The following TBC1D5 variants were observed in gnomAD, a reference collection of about 807,000 sequenced individuals.
The protein encoded by TBC1D5 is TBC1 domain family, member 5.
A neutral mutation model predicts 100.3 loss-of-function variants in TBC1D5; 75 were observed. The ratio of observed to expected loss-of-function variants is 0.75; its 90% CI spans 0.62 to 0.91. TBC1D5 has a LOEUF of 0.91. Ranked by LOEUF, TBC1D5 falls within the 40% of genes least tolerant of loss-of-function variation. The probability of loss-of-function intolerance (pLI) is 0.00; values close to 1 mark genes in which losing one functional copy is unlikely to be tolerated. For synonymous variants in TBC1D5, 323 were observed against 325.6 expected (o/e 0.99, Z 0.09); for missense variants, 910 against 942.4 (o/e 0.97, Z 0.45).
At chr3:17,710,055 G>A (rs2074566733) in intron 1 of TBC1D5, among the ~76,000 whole-genome samples, 1 of 152,066 alleles carries the variant, frequency 6.6e-6, no homozygotes. Context: ...TCAACATTTT[G>A]TAATAAGTAA....
At chr3:17,629,955 C>T (rs2063357259) in intron 1 of TBC1D5, among the ~76,000 whole-genome samples, 1 of 152,114 alleles carries the variant, frequency 6.6e-6, no homozygotes, top group Admixed American at 6.6e-5. Context: ...TTACAAAAAA[C>T]TAATACATGA....
intron 1 of TBC1D5, among the ~76,000 whole-genome samples, chr3:17,695,853 G>C (rs1268027257): frequency 4.6e-5 from 7 of 152,268 alleles, no homozygotes; most frequent in African/African-American, 1.7e-4. Flanking sequence ...TGGAAGTAAA[G>C]CACTCCTCAG....
chr3:17,679,040 C>A (rs1399634075), intron 1 of TBC1D5, among the ~76,000 whole-genome samples: 1 of 149,848 alleles, frequency 6.7e-6, no homozygotes, highest in Non-Finnish European at 1.5e-5. Context: ...TTATTTCAAC[C>A]TTTCCTAGGG....
At chr3:17,263,200 T>G (rs1278350652) in intron 15 of TBC1D5, among the ~76,000 whole-genome samples, 1 of 150,744 alleles carries the variant, frequency 6.6e-6, no homozygotes, top group Admixed American at 6.6e-5. Flanking sequence ...AGATCCTATC[T>G]CTTAAAAGGT....
chr3:17,549,323 T>C (rs2096451274), intron 2 of TBC1D5, among the ~76,000 whole-genome samples: 1 of 152,082 alleles, frequency 6.6e-6, no homozygotes, highest in Admixed American at 6.5e-5. Context: ...TAAAATAAAA[T>C]AAATTATCAA....
intron 19 of TBC1D5, among the ~76,000 whole-genome samples, chr3:17,171,023 C>T (rs188080968): frequency 2.0e-5 from 3 of 152,238 alleles, no homozygotes; most frequent in Admixed American, 1.3e-4. Flanking sequence ...TATACAAGAT[C>T]TTCCCAAATC....
chr3:17,407,479 A>G (rs2093802223), intron 4 of TBC1D5, among the ~76,000 whole-genome samples: 2 of 152,160 alleles, frequency 1.3e-5, no homozygotes, highest in Non-Finnish European at 2.9e-5. Context: ...CCTGACGGCA[A>G]TATCTTAAGA....
At chr3:17,205,966 A>G (rs1335795925) in intron 18 of TBC1D5, among the ~76,000 whole-genome samples, 1 of 152,120 alleles carries the variant, frequency 6.6e-6, no homozygotes, top group Admixed American at 6.6e-5. Context: ...AAATTTCCTC[A>G]TTTGATATAA....
At chr3:17,226,810 G>C (rs2074951749) in intron 17 of TBC1D5, among the ~76,000 whole-genome samples, 1 of 152,090 alleles carries the variant, frequency 6.6e-6, no homozygotes, top group African/African-American at 2.4e-5. Flanking sequence ...CAGAATTTCT[G>C]ACCCATGACA....
intron 2 of TBC1D5, among the ~76,000 whole-genome samples, chr3:17,622,353 T>C (rs2062736851): frequency 6.6e-6 from 1 of 152,080 alleles, no homozygotes; most frequent in Non-Finnish European, 1.5e-5. Flanking sequence ...CTAAATGACT[T>C]CTCAGTTACT....
chr3:17,718,460 G>A (rs1315635902), intron 1 of TBC1D5, among the ~76,000 whole-genome samples: 2 of 152,134 alleles, frequency 1.3e-5, no homozygotes, highest in African/African-American at 2.4e-5. Flanking sequence ...TAGCAGGCAT[G>A]GTGGCGGGCA....
At chr3:17,371,594 A>C (rs969948656) in intron 13 of TBC1D5, among the ~76,000 whole-genome samples, 1 of 152,214 alleles carries the variant, frequency 6.6e-6, no homozygotes, top group African/African-American at 2.4e-5. Flanking sequence ...GTATTAGATG[A>C]GATACCATAC....
chr3:17,512,824 TC>T (rs772966002), intron 2 of TBC1D5, among the ~76,000 whole-genome samples: 43 of 152,154 alleles, frequency 2.8e-4, no homozygotes, highest in Non-Finnish European at 4.7e-4. Flanking sequence ...ATGCTAAAAT[TC>T]CCATTTAAAA....
At chr3:17,447,426 A>T (rs2094825056) in intron 3 of TBC1D5, among the ~76,000 whole-genome samples, 1 of 152,216 alleles carries the variant, frequency 6.6e-6, no homozygotes, top group Non-Finnish European at 1.5e-5. Flanking sequence ...GATTCCTGAG[A>T]AGATACAAGA....
intron 1 of TBC1D5, among the ~76,000 whole-genome samples, chr3:17,642,592 T>C (rs549703088): frequency 9.2e-5 from 14 of 152,164 alleles, no homozygotes; most frequent in Non-Finnish European, 1.8e-4. Flanking sequence ...TGGAGGCCAA[T>C]TAACATCTCT....
chr3:17,353,963 G>A (rs2090926286), intron 13 of TBC1D5, among the ~76,000 whole-genome samples: 1 of 151,962 alleles, frequency 6.6e-6, no homozygotes, highest in Non-Finnish European at 1.5e-5. Context: ...ATGCAAAATA[G>A]CATTCCACGT....
intron 1 of TBC1D5, among the ~76,000 whole-genome samples, chr3:17,733,879 A>C (rs2153990959): frequency 6.6e-6 from 1 of 152,344 alleles, no homozygotes; most frequent in African/African-American, 2.4e-5. Flanking sequence ...GCGACTGGTT[A>C]CACAATAAAT....
chr3:17,194,677 T>C (rs985150547), intron 18 of TBC1D5, among the ~76,000 whole-genome samples: 10 of 152,304 alleles, frequency 6.6e-5, no homozygotes, highest in African/African-American at 2.2e-4. Flanking sequence ...TTTAAATTCA[T>C]CCCTGATTTT....
chr3:17,542,412 C>T (rs1173036263), intron 2 of TBC1D5, among the ~76,000 whole-genome samples: 1 of 152,190 alleles, frequency 6.6e-6, no homozygotes, highest in Non-Finnish European at 1.5e-5. Flanking sequence ...GAGCCAGGGT[C>T]TGGCTATGTT....
Sources: gnomAD v4.1 joint callset for allele counts (sites outside exome capture counted in the v4.1 genomes callset) on GRCh38, gnomAD v4.1.1 for gene constraint, MANE v1.5 for transcripts, NCBI Gene and HGNC (gene_info 2026-07-23, HGNC 2026-07-21) for gene names.